CHRNA10: variants seen among roughly 807,000 people sequenced by gnomAD.
The protein encoded by CHRNA10 is neuronal acetylcholine receptor subunit alpha-10.
Under a neutral mutation model 36.0 loss-of-function variants are expected in CHRNA10, and 31 were observed. The ratio of observed to expected loss-of-function variants is 0.86; its 90% CI spans 0.65 to 1.16. The LOEUF is 1.16. Among genes scored for constraint, CHRNA10 ranks in the 50% most tolerant of loss-of-function variants. The pLI, the probability that CHRNA10 is intolerant of heterozygous loss-of-function variation, is 0.00. For missense variants in CHRNA10, 648 were observed against 640.9 expected, an observed-to-expected ratio of 1.01 and a Z score of -0.12; for synonymous variants, 302 against 287.0, an observed-to-expected ratio of 1.05 and a Z score of -0.53.
At chr11:3,667,813 C>A (rs754115150) in intron 3 of CHRNA10, 49 bp from the exon 4 acceptor site, 2 of 1,414,962 alleles carry the variant, frequency 1.4e-6, no homozygotes, top group African/African-American at 3.0e-5. Context: ...GCCTGAGGAG[C>A]AGCCCCGGAG....
intron 4 of CHRNA10, 25 bp downstream of exon 4, chr11:3,667,207 G>A (rs1589929859): frequency 6.5e-7 from 1 of 1,533,020 alleles, no homozygotes; most frequent in East Asian, 2.4e-5. Context: ...GCATCGTCAG[G>A]TCCCCCCGCG....
At position 3,666,045 on chromosome 11, in the gene CHRNA10, G is replaced by A. The variant is rs909919592; in HGVS notation, c.*62C>T. ...CCCAAAGACCAGCAACCACTTGGCC[G>A]TGGCTGTCCCTTTCTGGAGGAGCTG... is the stretch of plus-strand genomic sequence containing the variant. On this transcript the variant is annotated 3_prime_UTR_variant, in exon 5 of 5. Coordinates refer to ENST00000250699, the MANE Select transcript of CHRNA10 (RefSeq NM_020402.4). The A allele has an allele frequency of 5.7e-5, 82 of 1,426,558 alleles. No homozygotes were observed. The highest frequency in any genetic ancestry group is 7.1e-5 in the Non-Finnish European group (76 of 1,072,208). The allele number at this position is 1,426,558 out of a possible 1,614,324, so 88.4% of individuals were successfully genotyped here. A position where few individuals can be genotyped will look rare whatever the true frequency, so the allele number is the denominator to read the frequency against.
intron 3 of CHRNA10, among the ~76,000 whole-genome samples, chr11:3,668,317 C>T (rs564454128): frequency 5.9e-4 from 89 of 152,120 alleles, no homozygotes; most frequent in South Asian, 1.7e-3. Context: ...ATCGAGACCA[C>T]CCTGGCTAAC....
chr11:3,667,931 G>A (rs2077681725), intron 3 of CHRNA10, among the ~76,000 whole-genome samples, 167 bp from the exon 4 acceptor site: 1 of 152,218 alleles, frequency 6.6e-6, no homozygotes. Flanking sequence ...GGAGCACCTG[G>A]CCCCAGCGTC....
Position 3,666,450 on chromosome 11 carries a change from C to T in CHRNA10, c.1010G>A (p.Arg337Lys). The change falls in exon 5 of 5, where the codon AGG becomes AAG. Residue 337 changes from arginine to lysine, a missense_variant. Physicochemically the swap from Arg to Lys is conservative, Grantham distance 26. Coordinates refer to ENST00000250699, the MANE Select transcript of CHRNA10 (RefSeq NM_020402.4). ...TGCCAGGTGTCCCAGCAGGAGGGCC[C>T]TAGCCCAGGCTGGCACTGGGCGGAC... ...PSVRPVPAWA[R>K]ALLLGHLARG... 1 of 1,613,812 alleles carries T rather than the reference C, an allele frequency of 6.2e-7. No individual in the cohort carries two copies. Among genetic ancestry groups the T allele is most frequent in the Non-Finnish European group, 8.5e-7 (1 of 1,179,832 alleles).
In CHRNA10 at chr11:3,666,460, C is replaced by A. The variant is rs1388937984; in HGVS notation, c.1000G>T (p.Ala334Ser). The part of the protein sequence containing the change: ...YCGPSVRPVP[A>S]WARALLLGHL... The stretch of plus-strand genomic sequence containing the variant: ...CCCAGCAGGAGGGCCCTAGCCCAGG[C>A]TGGCACTGGGCGGACACTGGGACCA... Residue 334 changes from alanine to serine, a missense_variant, in exon 5 of 5, where the codon GCC becomes TCC. Coordinates refer to ENST00000250699, the MANE Select transcript of CHRNA10 (RefSeq NM_020402.4). 1.2e-6 allele frequency: 2 copies of A among 1,613,474 alleles called. No individual in the cohort carries two copies. The highest frequency in any genetic ancestry group is 1.7e-6 in the Non-Finnish European group (2 of 1,179,720).
chr11:3,669,089 G>A, intron 3 of CHRNA10, 107 bp downstream of exon 3: 2 of 1,285,422 alleles, frequency 1.6e-6, no homozygotes, highest in Non-Finnish European at 2.1e-6. Flanking sequence ...TTCCAGGGCA[G>A]CGTGGCAACC....
rs1368711297 is a variant in CHRNA10, at chr11:3,669,821, A to C, written c.182T>G (p.Val61Gly). The C allele has an allele frequency of 6.2e-7, 1 of 1,614,052 alleles. No individual in the cohort carries two copies. Among genetic ancestry groups the C allele is most frequent in the East Asian group, 2.2e-5 (1 of 44,872 alleles). Residue 61 changes from valine to glycine, a missense_variant, in exon 2 of 5, where the codon GTG becomes GGG. By Grantham distance (109) the Val-to-Gly change is moderately radical. Coordinates refer to ENST00000250699, the MANE Select transcript of CHRNA10 (RefSeq NM_020402.4). ...TDQTLNVTLE[V>G]TLSQIIDMDE... is the part of the protein sequence containing the mutation. ...CATGTCGATGATCTGGGACAGTGTC[A>C]CCTCCAGGGTCACATTCAGAGTCTG...
rs745539164 is a variant in CHRNA10 at position 3,669,196 on chromosome 11, T to C, written c.362A>G (p.Lys121Arg). ...GAGGAGGGGCCCAGATAGGCAGTAC[T>C]TGTTATAGAGTACGATGTCTGGCCG... ...VWRPDIVLYN[K>R]ADAQPPGSAS... The change falls in exon 3 of 5, where the codon AAA becomes AGA. Residue 121 changes from lysine (K) to arginine (R), a missense_variant and splice_region_variant. Lys to Arg is a conservative substitution (Grantham distance 26). Coordinates refer to ENST00000250699, the MANE Select transcript of CHRNA10 (RefSeq NM_020402.4). The C allele has an allele frequency of 6.2e-7, 1 of 1,612,440 alleles. No homozygotes were observed. The highest frequency in any genetic ancestry group is 1.7e-5 in the Admixed American group (1 of 59,896).
intron 2 of CHRNA10, 32 bp from the exon 3 acceptor site, chr11:3,669,382 A>C: frequency 6.2e-7 from 1 of 1,606,370 alleles, no homozygotes; most frequent in Non-Finnish European, 8.5e-7. Flanking sequence ...AGAGATGTGG[A>C]CATGTATATG....
rs1274664874 is a variant in CHRNA10 at position 3,666,180 on chromosome 11, T to TC, written c.1279dup (p.Asp427GlyfsTer85). 6.2e-7 allele frequency: 1 copy of TC among 1,611,690 alleles called. No individual in the cohort carries two copies. Among genetic ancestry groups the TC allele is most frequent in the South Asian group, 1.1e-5 (1 of 90,708 alleles). The stretch of plus-strand genomic sequence containing the variant: ...GAAGAAGATGGCCAGGAAGAAGCGG[T>TC]CCATCACACGGGCCAGGCGCTTCCA... On this transcript the variant is annotated frameshift_variant, in exon 5 of 5. Coordinates refer to ENST00000250699, the MANE Select transcript of CHRNA10 (RefSeq NM_020402.4). LOFTEE classifies it high-confidence loss of function.
rs760322456 is a variant in CHRNA10 at position 3,666,383 on chromosome 11, C to G, written c.1077G>C (p.Gln359His). Residue 359 changes from glutamine to histidine, a missense_variant, in exon 5 of 5, where the codon CAG (glutamine) becomes CAC (histidine). Gln to His is a conservative substitution (Grantham distance 24). Transcript: ENST00000250699. ...TAGGAGATAACTCAGGTGGCCTGGA[C>G]TGCCCACAGGGCTCCCCTCTTTCCC... ...CVRERGEPCG[Q>H]SRPPELSPSP... 6.2e-7 allele frequency: 1 copy of G among 1,613,766 alleles called. No individual in the cohort carries two copies. The highest frequency in any genetic ancestry group is 8.5e-7 in the Non-Finnish European group (1 of 1,180,006).
chr11:3,670,448 G>T (rs760862687), intron 1 of CHRNA10, among the ~76,000 whole-genome samples: 36 of 152,076 alleles, frequency 2.4e-4, no homozygotes, highest in Non-Finnish European at 4.6e-4. Context: ...CCTAAACATT[G>T]TTCCCATGAA....
In CHRNA10 at chr11:3,666,131, G is replaced by T. The variant is rs1185167893; in HGVS notation, c.1329C>A (p.Leu443=). 1.3e-6 allele frequency: 2 copies of T among 1,571,352 alleles called. No individual in the cohort carries two copies. The highest frequency in any genetic ancestry group is 2.7e-5 in the African/African-American group (2 of 73,734). ...IFFSMALVMS[L]LVLVQAL ...CTCACAGGGCCTGCACCAGCACCAGGAGGCTCATGACCAGGGCCATGGAGA... is the reference window on the plus strand; with the variant it reads ...CTCACAGGGCCTGCACCAGCACCAGTAGGCTCATGACCAGGGCCATGGAGA... Residue 443 remains leucine (L), a synonymous_variant, in exon 5 of 5, where the codon CTC becomes CTA. Transcript: ENST00000250699.
At chr11:3,666,683 C>T in intron 4 of CHRNA10, 119 bp from the exon 5 acceptor site, 1 of 740,100 alleles carries the variant, frequency 1.4e-6, no homozygotes, top group Non-Finnish European at 2.2e-6. Context: ...ACCCTCCAAG[C>T]CCCATGGATG....
At chr11:3,669,114 G>A (rs1333478391) in intron 3 of CHRNA10, 82 bp downstream of exon 3, 3 of 1,464,460 alleles carry the variant, frequency 2.0e-6, no homozygotes, top group East Asian at 2.3e-5. Flanking sequence ...TATGTGGTAG[G>A]GAGAGGGGAT....
chr11:3,668,100 T>G (rs1311984551), intron 3 of CHRNA10, among the ~76,000 whole-genome samples: 1 of 152,248 alleles, frequency 6.6e-6, no homozygotes, highest in African/African-American at 2.4e-5. Flanking sequence ...CTTGCCACTA[T>G]TTATAACTTA....
Position 3,666,115 on chromosome 11 carries a change from C to T in CHRNA10, c.1345G>A (p.Ala449Thr). ...LVMSLLVLVQAL is the reference protein window; with the variant it reads ...LVMSLLVLVQTL ...TGACTTAGTCCCAGCCCTCACAGGG[C>T]CTGCACCAGCACCAGGAGGCTCATG... Residue 449 changes from alanine (A) to threonine (T), a missense_variant, in exon 5 of 5, where the codon GCC becomes ACC. Ala to Thr is a moderately conservative substitution (Grantham distance 58). Coordinates refer to ENST00000250699, the MANE Select transcript of CHRNA10 (RefSeq NM_020402.4). The T allele has an allele frequency of 6.4e-7, 1 of 1,552,516 alleles. No individual in the cohort carries two copies. The highest frequency in any genetic ancestry group is 8.7e-7 in the Non-Finnish European group (1 of 1,150,018).
At position 3,667,689 on chromosome 11, in the gene CHRNA10, C is replaced by T. The variant is rs763250393; in HGVS notation, c.438G>A (p.Ala146=). The T allele has an allele frequency of 1.7e-5, 27 of 1,569,672 alleles. No homozygotes were observed. The highest frequency in any genetic ancestry group is 6.8e-5 in the African/African-American group (5 of 73,594). ...GGCACGAGCTGCGCGTGATGGCCGG[C>T]GCGTCCCAGCGCACGGCGCCATCGT... ...LRHDGAVRWD[A]PAITRSSCRV... is the part of the protein sequence containing the mutation. Residue 146 remains alanine, a synonymous_variant, in exon 4 of 5, where the codon GCG becomes GCA. Coordinates refer to ENST00000250699, the MANE Select transcript of CHRNA10 (RefSeq NM_020402.4).
Sources: allele counts gnomAD v4.1 joint callset (sites outside exome capture counted in the v4.1 genomes callset), GRCh38; gene constraint gnomAD v4.1.1; transcripts MANE v1.5; gene names NCBI Gene and HGNC (gene_info 2026-07-23, HGNC 2026-07-21).